ZSCAN30: variants seen among roughly 807,000 people sequenced by gnomAD.
The protein encoded by ZSCAN30 is zinc finger and SCAN domain-containing protein 30.
ZSCAN30 carries 37 observed loss-of-function variants against 44.3 expected under a neutral mutation model. That is an observed-to-expected ratio of 0.84 (90% confidence interval 0.64 to 1.10). ZSCAN30 has a LOEUF of 1.10. Ranked by LOEUF, ZSCAN30 falls within the 50% of genes least tolerant of loss-of-function variation. The probability of loss-of-function intolerance (pLI) is 0.00; values close to 1 mark genes in which losing one functional copy is unlikely to be tolerated. For synonymous variants in ZSCAN30, 181 were observed against 204.6 expected, an observed-to-expected ratio of 0.88 and a Z score of 0.98; for missense variants, 549 against 582.6, an observed-to-expected ratio of 0.94 and a Z score of 0.59.
chr18:35,275,537 TC>T (rs1228774709), intron 1 of ZSCAN30, among the ~76,000 whole-genome samples: 3 of 152,184 alleles, frequency 2.0e-5, no homozygotes, highest in Admixed American at 2.0e-4. Context: ...TCTCCTATCA[TC>T]TTAGCATAGG....
At chr18:35,280,942 G>C (rs1056019183) in intron 1 of ZSCAN30, 1 of 152,152 alleles carries the variant, frequency 6.6e-6, no homozygotes, top group Non-Finnish European at 1.5e-5. Context: ...AAGTATCAAA[G>C]AAAATTAATT....
rs1300578609 is a variant in ZSCAN30, at chr18:35,251,812, T to A, written c.*1638A>T. ...AATTAAACCTCTTTTTTTTTTTTAA[T>A]AAATTACCCAGTATCAGGTAGTATC... is the stretch of plus-strand genomic sequence containing the variant. On this transcript the variant is annotated 3_prime_UTR_variant, in exon 4 of 4. Transcript: ENST00000333206. 1 of 150,976 alleles carries A rather than the reference T, an allele frequency of 6.6e-6. No individual in the cohort carries two copies. The highest frequency in any genetic ancestry group is 2.5e-5 in the African/African-American group (1 of 40,478). The allele number at this position is 150,976 out of a possible 1,614,324, so 9.4% of individuals were successfully genotyped here.
intron 1 of ZSCAN30, among the ~76,000 whole-genome samples, chr18:35,264,783 G>A (rs1271649502): frequency 6.6e-6 from 1 of 152,116 alleles, no homozygotes; most frequent in African/African-American, 2.4e-5. Flanking sequence ...CCATTTTATT[G>A]ATCACTAGCT....
chr18:35,271,541 A>G (rs1006053682), intron 1 of ZSCAN30, among the ~76,000 whole-genome samples: 2 of 152,382 alleles, frequency 1.3e-5, no homozygotes, highest in East Asian at 1.9e-4. Flanking sequence ...CTGGCTAGAC[A>G]TAAAAGTTCT....
chr18:35,257,824 C>A, intron 3 of ZSCAN30: 1 of 774,740 alleles, frequency 1.3e-6, no homozygotes, highest in Non-Finnish European at 2.4e-6. Flanking sequence ...CTTCAGCGGC[C>A]CATGAAATGC....
chr18:35,262,565 C>G (rs2044048469), intron 3 of ZSCAN30: 4 of 152,166 alleles, frequency 2.6e-5, no homozygotes, highest in Admixed American at 2.6e-4. Context: ...CTGGCATGTT[C>G]TTTGTGTTTG....
chr18:35,259,597 C>T (rs149658258), intron 3 of ZSCAN30: 145 of 154,230 alleles, frequency 9.4e-4, no homozygotes, highest in African/African-American at 3.3e-3. Flanking sequence ...ACCCTAATGA[C>T]CCCATTTTAA....
intron 3 of ZSCAN30, chr18:35,255,732 G>A (rs1046147949): frequency 4.5e-5 from 7 of 154,390 alleles, no homozygotes; most frequent in Admixed American, 1.3e-4. Context: ...GGGTTGTCTG[G>A]CTTCCCGTTT....
At position 35,254,533 on chromosome 18, in the gene ZSCAN30, G is replaced by T. The variant is rs562126662; in HGVS notation, c.554-152C>A. 3.5e-6 allele frequency: 5 copies of T among 1,433,798 alleles called. No individual in the cohort carries two copies. In the African/African-American group the frequency reaches 5.7e-5, roughly 16 times the overall value. The allele number at this position is 1,433,798 out of a possible 1,614,324, so 88.8% of individuals were successfully genotyped here. ...TCCCAATCTAGAATTCAGAGAAGTGGCCTGGGGTAGCCAAATATGGCCCCC... is the reference window on the plus strand; with the variant it reads ...TCCCAATCTAGAATTCAGAGAAGTGTCCTGGGGTAGCCAAATATGGCCCCC... On this transcript the variant is annotated intron_variant, in intron 3 of 3. Coordinates refer to ENST00000333206, the MANE Select transcript of ZSCAN30 (RefSeq NM_001112734.4).
chr18:35,267,144 G>C (rs1021282293), intron 1 of ZSCAN30: 1 of 152,212 alleles, frequency 6.6e-6, no homozygotes, highest in African/African-American at 2.4e-5. Context: ...CCAAGAGGAA[G>C]GCTGAGACCC....
chr18:35,251,466 A>T lies in ZSCAN30; in HGVS notation c.*1984T>A, dbSNP rs1252930640. ...ACAACCTCTGGACACAAAGAGGCCG[A>T]ATTGTCCCCCCAATTTCACCTCCCC... On this transcript the variant is annotated 3_prime_UTR_variant, in exon 4 of 4. Transcript: ENST00000333206. 6.6e-6 allele frequency: 1 copy of T among 152,192 alleles called. No individual in the cohort carries two copies. Among genetic ancestry groups the T allele is most frequent in the Non-Finnish European group, 1.5e-5 (1 of 68,076 alleles). The allele number at this position is 152,192 out of a possible 1,614,324, so 9.4% of individuals were successfully genotyped here.
rs1598598512 is a variant in ZSCAN30, at chr18:35,253,296, A to G, written c.*154T>C. On this transcript the variant is annotated 3_prime_UTR_variant, in exon 4 of 4. Transcript: ENST00000333206. ...TCTTCCATTTAACACTTCAATAATCATAACAAACATCTTTGTGTGCATGTC... is the reference window on the plus strand; with the variant it reads ...TCTTCCATTTAACACTTCAATAATCGTAACAAACATCTTTGTGTGCATGTC... The G allele has an allele frequency of 9.0e-6, 5 of 558,152 alleles. No individual in the cohort carries two copies. Among genetic ancestry groups the G allele is most frequent in the South Asian group, 6.8e-5 (2 of 29,346 alleles). The allele number at this position is 558,152 out of a possible 1,614,324, so 34.6% of individuals were successfully genotyped here.
At chr18:35,263,698 C>T (rs2044084326) in intron 2 of ZSCAN30, 41 bp from the exon 3 acceptor site, 2 of 1,607,484 alleles carry the variant, frequency 1.2e-6, no homozygotes, top group African/African-American at 2.7e-5. Context: ...TCTGAGGATA[C>T]ACAAGCAGAA....
chr18:35,277,953 T>C (rs1041838917), intron 1 of ZSCAN30, among the ~76,000 whole-genome samples: 2 of 152,232 alleles, frequency 1.3e-5, no homozygotes, highest in East Asian at 1.9e-4. Flanking sequence ...TTTTCTAAAA[T>C]AGACATATTA....
At chr18:35,270,791 G>A (rs1418122398) in intron 1 of ZSCAN30, among the ~76,000 whole-genome samples, 4 of 152,172 alleles carry the variant, frequency 2.6e-5, no homozygotes, top group Admixed American at 6.5e-5. Context: ...ATAAAGCCGC[G>A]GACCCTCGCA....
At chr18:35,263,241 CT>C (rs755589651) in intron 3 of ZSCAN30, 1 of 330,522 alleles carries the variant, frequency 3.0e-6, no homozygotes, top group Non-Finnish European at 5.4e-6. Context: ...GAGACCCCAT[CT>C]AAAAAAAAAA....
chr18:35,288,051 T>C (rs1022511303), intron 1 of ZSCAN30, among the ~76,000 whole-genome samples: 1 of 152,100 alleles, frequency 6.6e-6, no homozygotes, highest in Non-Finnish European at 1.5e-5. Context: ...TTTTGTATTC[T>C]GGGTGGAGAA....
intron 3 of ZSCAN30, chr18:35,257,442 T>C (rs1017720265): frequency 8.2e-5 from 13 of 158,336 alleles, no homozygotes; most frequent in East Asian, 3.8e-4. Flanking sequence ...GGTGACTAGG[T>C]CATGAGGGCT....
Position 35,252,294 on chromosome 18 carries a change from TCA to T in ZSCAN30, c.*1154_*1155del, listed in dbSNP as rs2043626157. 6.6e-6 allele frequency: 1 copy of T among 152,126 alleles called. No individual in the cohort carries two copies. The highest frequency in any genetic ancestry group is 2.4e-5 in the African/African-American group (1 of 41,384). 9.4% of individuals were successfully genotyped at this position (152,126 alleles called of 1,614,324 possible). On this transcript the variant is annotated 3_prime_UTR_variant, in exon 4 of 4. Coordinates refer to ENST00000333206, the MANE Select transcript of ZSCAN30 (RefSeq NM_001112734.4). ...TATATACACAGGGAAAGAATGCATA[TCA>T]GAGGCTAGAGAGACAGTGGGGACTG...
Sources: gnomAD v4.1 joint callset for allele counts (sites outside exome capture counted in the v4.1 genomes callset) on GRCh38, gnomAD v4.1.1 for gene constraint, MANE v1.5 for transcripts, NCBI Gene and HGNC (gene_info 2026-07-23, HGNC 2026-07-21) for gene names.